The following CCM2 variants were observed in gnomAD, a reference collection of about 807,000 sequenced individuals.
CCM2 encodes CCM2 scaffold protein, also known as cerebral cavernous malformations 2 protein.
In CCM2, 25 loss-of-function variants were observed where a neutral mutation model predicts 44.9. That is an observed-to-expected ratio of 0.56 (90% confidence interval 0.41 to 0.78). The LOEUF is 0.78. Among genes scored for constraint, CCM2 ranks in the 30% least tolerant of loss-of-function variants. The probability of loss-of-function intolerance (pLI) is 0.00; values close to 1 mark genes in which losing one functional copy is unlikely to be tolerated. For synonymous variants in CCM2, 219 were observed against 241.1 expected (o/e 0.91, Z 0.85); for missense variants, 481 against 580.6 (o/e 0.83, Z 1.76).
intron 1 of CCM2, among the ~76,000 whole-genome samples, chr7:45,029,159 G>A (rs753586388): frequency 6.6e-6 from 1 of 152,150 alleles, no homozygotes; most frequent in East Asian, 1.9e-4. Context: ...TAGACTGGGG[G>A]TTCCCTGGGG....
chr7:45,013,599 A>C (rs1562860092), intron 1 of CCM2, among the ~76,000 whole-genome samples: 1 of 152,160 alleles, frequency 6.6e-6, no homozygotes, highest in Non-Finnish European at 1.5e-5. Context: ...CATCCATTTG[A>C]TCTTGCTACG....
chr7:45,067,535 T>TA (rs1798842800), intron 4 of CCM2: 1 of 152,208 alleles, frequency 6.6e-6, no homozygotes. Flanking sequence ...ATAATCAATA[T>TA]AAAAATCGTT....
At position 45,061,460 on chromosome 7, in the gene CCM2, T is replaced by TTTC. The variant is rs1554374276; in HGVS notation, c.205-2456_205-2455insCTT. ...TGCCTTTTTCTTTCTTTCTTTCTTT[T>TTTC]TTTTTTTTTTTTTTTGAGATGACCT... On this transcript the variant is annotated intron_variant, in intron 2 of 9. Coordinates refer to ENST00000258781, the MANE Select transcript of CCM2 (RefSeq NM_031443.4). 1.9e-4 allele frequency among the ~76,000 whole-genome samples: 28 copies of TTTC among 143,924 alleles called. No homozygotes were observed. In the East Asian group the frequency reaches 2.4e-3, roughly 12 times the overall value. The allele number at this position is 143,924 out of a possible 152,430, so 94.4% of individuals were successfully genotyped here. A position where few individuals can be genotyped will look rare whatever the true frequency, so the allele number is the denominator to read the frequency against.
intron 1 of CCM2, among the ~76,000 whole-genome samples, chr7:45,003,728 CAAAA>C (rs59817510): frequency 1.4e-5 from 2 of 139,834 alleles, no homozygotes; most frequent in East Asian, 2.1e-4. Flanking sequence ...ACTCCATCTC[CAAAA>C]AAAAAAAAAA....
chr7:45,073,846 GC>G, intron 8 of CCM2: 1 of 558,060 alleles, frequency 1.8e-6, no homozygotes, highest in Non-Finnish European at 3.2e-6. Context: ...GGGAACGGTG[GC>G]CCCTGCAAGG....
intron 7 of CCM2, chr7:45,073,214 A>T: frequency 1.7e-6 from 1 of 591,322 alleles, no homozygotes; most frequent in African/African-American, 1.9e-5. Context: ...CACTGCCTTG[A>T]CCTGTGTACT....
intron 1 of CCM2, among the ~76,000 whole-genome samples, chr7:45,015,945 A>G (rs1796247031): frequency 6.6e-6 from 1 of 152,242 alleles, no homozygotes. Flanking sequence ...ACCGAAGAAA[A>G]GAAAGAAAAT....
chr7:45,020,743 T>C (rs1796450123), intron 1 of CCM2, among the ~76,000 whole-genome samples: 1 of 152,210 alleles, frequency 6.6e-6, no homozygotes, highest in Non-Finnish European at 1.5e-5. Context: ...AAATTTTGAG[T>C]ATTTTCCAAA....
At chr7:45,036,125 G>T (rs1459557915) in intron 1 of CCM2, among the ~76,000 whole-genome samples, 1 of 152,130 alleles carries the variant, frequency 6.6e-6, no homozygotes. Flanking sequence ...ATCTTTACTG[G>T]TAGAAGAAAG....
intron 1 of CCM2, 102 bp downstream of exon 1, chr7:45,000,465 G>GGGCAGTGGGC: frequency 1.5e-5 from 1 of 65,818 alleles, no homozygotes. Flanking sequence ...GGGGGGGGGG[G>GGGCAGTGGGC]CAGTGGGCCA....
intron 6 of CCM2, 113 bp from the exon 7 acceptor site, chr7:45,072,613 C>G: frequency 1.2e-6 from 1 of 812,990 alleles, no homozygotes; most frequent in South Asian, 1.4e-5. Flanking sequence ...CAGCAGGGTC[C>G]CTGAAGACCA....
chr7:45,035,320 GAA>G (rs1797163850), intron 1 of CCM2, among the ~76,000 whole-genome samples: 1 of 152,064 alleles, frequency 6.6e-6, no homozygotes, highest in African/African-American at 2.4e-5. Flanking sequence ...AAAATACAGA[GAA>G]AAGTTAACAA....
At chr7:45,065,449 C>T (rs1798727129) in intron 4 of CCM2, among the ~76,000 whole-genome samples, 1 of 152,172 alleles carries the variant, frequency 6.6e-6, no homozygotes, top group Non-Finnish European at 1.5e-5. Flanking sequence ...GGGCCAGTGG[C>T]AGGGTGTGAA....
At chr7:45,012,130 CTTTTTTTT>C (rs60568953) in intron 1 of CCM2, among the ~76,000 whole-genome samples, 1 of 94,090 alleles carries the variant, frequency 1.1e-5, no homozygotes, top group African/African-American at 3.8e-5. Flanking sequence ...ATCATAATAT[CTTTTTTTT>C]TTTTTTTTTT....
chr7:45,055,477 A>G (rs868793893), intron 2 of CCM2, among the ~76,000 whole-genome samples: 1 of 152,200 alleles, frequency 6.6e-6, no homozygotes, highest in South Asian at 2.1e-4. Context: ...TCACGAGGTC[A>G]GGAGTTCAAG....
intron 1 of CCM2, among the ~76,000 whole-genome samples, chr7:45,017,146 G>A (rs928207547): frequency 1.3e-5 from 2 of 152,240 alleles, no homozygotes; most frequent in African/African-American, 4.8e-5. Flanking sequence ...CATCTGTCAT[G>A]GGGATTTGGT....
chr7:45,014,622 CTTT>C (rs34116061), intron 1 of CCM2, among the ~76,000 whole-genome samples: 2 of 123,970 alleles, frequency 1.6e-5, no homozygotes. Flanking sequence ...CAGTCTTAAC[CTTT>C]TTTTTTTTTT....
intron 1 of CCM2, among the ~76,000 whole-genome samples, chr7:45,017,781 G>A (rs568056466): frequency 7.2e-5 from 11 of 152,304 alleles, no homozygotes; most frequent in African/African-American, 2.6e-4. Flanking sequence ...GCGTCCCAAG[G>A]CATCTTGTCA....
chr7:45,034,187 C>G (rs1200235065), intron 1 of CCM2, among the ~76,000 whole-genome samples: 1 of 152,140 alleles, frequency 6.6e-6, no homozygotes, highest in African/African-American at 2.4e-5. Flanking sequence ...CAGGCCAGTC[C>G]CAGCAAGCTC....
Sources: allele counts gnomAD v4.1 joint callset (sites outside exome capture counted in the v4.1 genomes callset), GRCh38; gene constraint gnomAD v4.1.1; transcripts MANE v1.5; gene names NCBI Gene and HGNC (gene_info 2026-07-23, HGNC 2026-07-21).